Variants in MACROD2 observed in about 807,000 individuals in gnomAD.
MACROD2 encodes the protein ADP-ribose glycohydrolase MACROD2.
In MACROD2, 36 loss-of-function variants were observed where a neutral mutation model predicts 70.4. The observed-to-expected ratio is 0.51, with a 90% CI of 0.39 to 0.68. MACROD2 has a LOEUF of 0.68. MACROD2 is among the 30% of genes least tolerant of loss of function. The pLI is 0.00. For synonymous variants in MACROD2, 172 were observed against 178.8 expected, an observed-to-expected ratio of 0.96 and a Z score of 0.30; for missense variants, 496 against 538.4, an observed-to-expected ratio of 0.92 and a Z score of 0.78.
At chr20:15,628,673 A>G (rs1349927465) in intron 8 of MACROD2, among the ~76,000 whole-genome samples, 2 of 152,228 alleles carry the variant, frequency 1.3e-5, no homozygotes, top group Non-Finnish European at 2.9e-5. Flanking sequence ...ACTCAGTGCC[A>G]TTCAGCTGGC....
At chr20:14,251,313 T>C (rs2082010726) in intron 3 of MACROD2, among the ~76,000 whole-genome samples, 1 of 152,158 alleles carries the variant, frequency 6.6e-6, no homozygotes. Context: ...GTTGAGCTCC[T>C]GCTATTGGAA....
chr20:15,413,136 C>A (rs1179234340), intron 6 of MACROD2, among the ~76,000 whole-genome samples: 1 of 152,232 alleles, frequency 6.6e-6, no homozygotes, highest in East Asian at 1.9e-4. Context: ...AGCACAGCCA[C>A]CATCACATCA....
chr20:15,869,171 T>C (rs2147176324), intron 9 of MACROD2, among the ~76,000 whole-genome samples: 1 of 142,584 alleles, frequency 7.0e-6, no homozygotes, highest in East Asian at 2.1e-4. Context: ...ATATAACGTA[T>C]ACACAATACG....
intron 3 of MACROD2, among the ~76,000 whole-genome samples, chr20:14,356,827 C>A (rs752530366): frequency 1.3e-3 from 198 of 152,202 alleles, no homozygotes; most frequent in Non-Finnish European, 2.6e-3. Context: ...TTTCAAGAGA[C>A]CTCACGCACG....
intron 6 of MACROD2, among the ~76,000 whole-genome samples, chr20:15,246,897 A>G (rs1263671658): frequency 1.3e-5 from 2 of 152,244 alleles, no homozygotes; most frequent in South Asian, 2.1e-4. Context: ...GTACTGACAC[A>G]TGGTACAACA....
rs559730363 is a variant in MACROD2, at chr20:16,019,839, G to A, written c.1154-21362G>A. ...TCCTGCCCAAGGCCCGGCAGAGGAGGGTAGGGCACATAGAGATCACACAGG... is the reference window on the plus strand; with the variant it reads ...TCCTGCCCAAGGCCCGGCAGAGGAGAGTAGGGCACATAGAGATCACACAGG... On this transcript the variant is annotated intron_variant, in intron 15 of 17. Transcript: ENST00000684519. 2.0e-5 allele frequency among the ~76,000 whole-genome samples: 3 copies of A among 152,272 alleles called. No homozygotes were observed. In the East Asian group the frequency reaches 5.8e-4, roughly 29 times the overall value.
intron 5 of MACROD2, among the ~76,000 whole-genome samples, chr20:14,840,957 T>G (rs894766533): frequency 6.6e-6 from 1 of 152,080 alleles, no homozygotes; most frequent in Non-Finnish European, 1.5e-5. Flanking sequence ...ATACTTAACT[T>G]TTACTGTATG....
chr20:14,755,974 G>A (rs963833315), intron 5 of MACROD2, among the ~76,000 whole-genome samples: 2 of 151,986 alleles, frequency 1.3e-5, no homozygotes, highest in Non-Finnish European at 2.9e-5. Context: ...GAGTTATTAA[G>A]GGGGGCAAAA....
At chr20:14,793,618 A>C (rs1257283335) in intron 5 of MACROD2, among the ~76,000 whole-genome samples, 1 of 152,166 alleles carries the variant, frequency 6.6e-6, no homozygotes, top group East Asian at 1.9e-4. Context: ...GAGACCTGTG[A>C]GCCAACAGCA....
intron 8 of MACROD2, among the ~76,000 whole-genome samples, chr20:15,718,358 C>T (rs2050736552): frequency 6.6e-6 from 1 of 152,168 alleles, no homozygotes; most frequent in Non-Finnish European, 1.5e-5. Context: ...AAAAATATAG[C>T]TTAATTTCTA....
intron 5 of MACROD2, among the ~76,000 whole-genome samples, chr20:14,902,647 C>T (rs2073909637): frequency 6.6e-6 from 1 of 152,006 alleles, no homozygotes; most frequent in African/African-American, 2.4e-5. Context: ...AGAAGAGAGG[C>T]AGGGTGGTCA....
At chr20:15,030,936 C>A (rs953352728) in intron 5 of MACROD2, among the ~76,000 whole-genome samples, 9 of 152,154 alleles carry the variant, frequency 5.9e-5, no homozygotes, top group Admixed American at 2.0e-4. Flanking sequence ...CTTGGGCCTG[C>A]TGGGCTTATT....
intron 12 of MACROD2, among the ~76,000 whole-genome samples, chr20:15,942,315 T>C (rs1222422159): frequency 2.0e-5 from 3 of 152,156 alleles, no homozygotes; most frequent in African/African-American, 4.8e-5. Context: ...GGAGTTGAGC[T>C]GGGAGCATGA....
intron 4 of MACROD2, among the ~76,000 whole-genome samples, chr20:14,536,701 A>G (rs1221537219): frequency 2.6e-5 from 4 of 151,770 alleles, no homozygotes; most frequent in Non-Finnish European, 5.9e-5. Context: ...GCATGTATAC[A>G]TTAAGTCACA....
intron 5 of MACROD2, among the ~76,000 whole-genome samples, chr20:15,058,377 A>G (rs2075504155): frequency 6.6e-6 from 1 of 152,024 alleles, no homozygotes; most frequent in South Asian, 2.1e-4. Context: ...CTTGTCACTC[A>G]TTTTCTTCTC....
intron 4 of MACROD2, among the ~76,000 whole-genome samples, chr20:14,552,985 A>AT (rs1019949471): frequency 2.2e-4 from 33 of 152,006 alleles, no homozygotes; most frequent in Admixed American, 1.7e-3. Flanking sequence ...TATTAAAAAT[A>AT]TTTTTTCTTT....
chr20:15,422,718 C>T (rs1568796182), intron 6 of MACROD2, among the ~76,000 whole-genome samples: 1 of 152,204 alleles, frequency 6.6e-6, no homozygotes, highest in Non-Finnish European at 1.5e-5. Context: ...TTGCCTGTCT[C>T]TCTATCACCT....
intron 6 of MACROD2, among the ~76,000 whole-genome samples, chr20:15,284,023 A>T (rs1343920905): frequency 6.6e-6 from 1 of 152,208 alleles, no homozygotes; most frequent in Non-Finnish European, 1.5e-5. Context: ...TATTTCTAAA[A>T]TATAGAATAG....
intron 5 of MACROD2, among the ~76,000 whole-genome samples, chr20:14,737,184 A>G (rs2071676736): frequency 6.6e-6 from 1 of 151,956 alleles, no homozygotes; most frequent in South Asian, 2.1e-4. Context: ...ACTCCTGCTT[A>G]TGCGTGAGAA....
Sources: allele counts gnomAD v4.1 joint callset (sites outside exome capture counted in the v4.1 genomes callset), GRCh38; gene constraint gnomAD v4.1.1; transcripts MANE v1.5; gene names NCBI Gene and HGNC (gene_info 2026-07-23, HGNC 2026-07-21).